SLC2A13: variants seen among roughly 807,000 people sequenced by gnomAD.
SLC2A13 encodes the protein proton myo-inositol cotransporter.
A neutral mutation model predicts 64.4 loss-of-function variants in SLC2A13; 32 were observed. The ratio of observed to expected loss-of-function variants is 0.50; its 90% CI spans 0.37 to 0.67. The LOEUF (loss-of-function observed/expected upper bound fraction) is 0.67, where lower values mean the gene tolerates loss of function less well. Among genes scored for constraint, SLC2A13 ranks in the 30% least tolerant of loss-of-function variants. SLC2A13 has a pLI of 0.00. For synonymous variants in SLC2A13, 338 were observed against 327.1 expected, an observed-to-expected ratio of 1.03 and a Z score of -0.36; for missense variants, 743 against 829.2, an observed-to-expected ratio of 0.90 and a Z score of 1.28.
intron 2 of SLC2A13, among the ~76,000 whole-genome samples, chr12:40,035,477 C>G (rs1217071843): frequency 6.6e-6 from 1 of 152,194 alleles, no homozygotes; most frequent in East Asian, 1.9e-4. Flanking sequence ...TACTTTTCCT[C>G]TGCCACCAAG....
At chr12:40,049,957 GAAT>G (rs1948229557) in intron 1 of SLC2A13, among the ~76,000 whole-genome samples, 1 of 152,048 alleles carries the variant, frequency 6.6e-6, no homozygotes, top group Non-Finnish European at 1.5e-5. Flanking sequence ...GAGTTTCATA[GAAT>G]AATAAGCATG....
intron 3 of SLC2A13, among the ~76,000 whole-genome samples, chr12:40,020,017 A>G (rs147511929): frequency 6.6e-6 from 1 of 152,338 alleles, no homozygotes; most frequent in East Asian, 1.9e-4. Flanking sequence ...ATACTGATTA[A>G]AAATACTGCT....
chr12:39,896,745 A>G (rs1253667235), intron 4 of SLC2A13, among the ~76,000 whole-genome samples: 1 of 152,054 alleles, frequency 6.6e-6, no homozygotes, highest in East Asian at 1.9e-4. Context: ...AACATCTTGC[A>G]GTTTCTATTA....
chr12:39,921,662 G>A (rs934130756), intron 4 of SLC2A13, among the ~76,000 whole-genome samples: 2 of 152,120 alleles, frequency 1.3e-5, no homozygotes, highest in African/African-American at 4.8e-5. Context: ...ATTTAGCCAT[G>A]AGGCAGCATT....
chr12:40,103,345 G>A (rs1310535116), intron 1 of SLC2A13, among the ~76,000 whole-genome samples: 1 of 152,090 alleles, frequency 6.6e-6, no homozygotes, highest in Non-Finnish European at 1.5e-5. Context: ...AGAGCTTCTG[G>A]CTTCCCTCTG....
At chr12:39,761,245 A>G (rs549137733) in intron 9 of SLC2A13, among the ~76,000 whole-genome samples, 30 of 128,948 alleles carry the variant, frequency 2.3e-4, no homozygotes, top group African/African-American at 6.4e-4. Context: ...TGCCTCATTA[A>G]GTAAAATAAG....
chr12:39,891,163 C>G (rs1337614121), intron 4 of SLC2A13, among the ~76,000 whole-genome samples: 1 of 149,266 alleles, frequency 6.7e-6, no homozygotes, highest in East Asian at 1.9e-4. Flanking sequence ...ATCTAGGATG[C>G]TTGTCCTCTG....
intron 1 of SLC2A13, among the ~76,000 whole-genome samples, chr12:40,070,998 G>A (rs1415555529): frequency 3.3e-5 from 5 of 152,146 alleles, no homozygotes; most frequent in African/African-American, 1.2e-4. Flanking sequence ...GGGGATTAGG[G>A]CAGTGGTTCT....
At chr12:39,883,118 G>C (rs1028709877) in intron 4 of SLC2A13, among the ~76,000 whole-genome samples, 2 of 151,814 alleles carry the variant, frequency 1.3e-5, no homozygotes, top group African/African-American at 4.8e-5. Flanking sequence ...ATATAATTCA[G>C]TGTTAAGTAT....
At chr12:39,989,565 T>A (rs1294581462) in intron 3 of SLC2A13, among the ~76,000 whole-genome samples, 1 of 152,192 alleles carries the variant, frequency 6.6e-6, no homozygotes, top group Non-Finnish European at 1.5e-5. Flanking sequence ...CAAAAATGGA[T>A]GTCTTGCTCT....
intron 7 of SLC2A13, among the ~76,000 whole-genome samples, chr12:39,804,362 G>A (rs1281330786): frequency 1.3e-5 from 2 of 152,048 alleles, no homozygotes; most frequent in African/African-American, 2.4e-5. Flanking sequence ...AATATACTTC[G>A]AGCTATGTGA....
At chr12:39,868,206 T>A (rs1943955634) in intron 5 of SLC2A13, among the ~76,000 whole-genome samples, 1 of 152,202 alleles carries the variant, frequency 6.6e-6, no homozygotes, top group Non-Finnish European at 1.5e-5. Flanking sequence ...AGTTTTGGCA[T>A]GTTCTTTATG....
chr12:39,770,327 G>T (rs1380340859), intron 7 of SLC2A13, among the ~76,000 whole-genome samples: 1 of 152,114 alleles, frequency 6.6e-6, no homozygotes, highest in African/African-American at 2.4e-5. Context: ...TCTAGATCCT[G>T]CCATGGCCTC....
At chr12:39,999,414 C>T (rs758115531) in intron 3 of SLC2A13, among the ~76,000 whole-genome samples, 29 of 152,032 alleles carry the variant, frequency 1.9e-4, no homozygotes, top group Non-Finnish European at 3.7e-4. Flanking sequence ...TAATTAATAC[C>T]CTGGAGAAGG....
chr12:40,090,802 C>T (rs1484409596), intron 1 of SLC2A13, among the ~76,000 whole-genome samples: 1 of 152,110 alleles, frequency 6.6e-6, no homozygotes, highest in African/African-American at 2.4e-5. Context: ...GCCTCAAGAA[C>T]TATTCATTCA....
intron 3 of SLC2A13, among the ~76,000 whole-genome samples, chr12:40,021,208 G>A (rs1330192753): frequency 2.6e-5 from 4 of 152,142 alleles, no homozygotes; most frequent in Admixed American, 6.5e-5. Flanking sequence ...CTTCTCCCGT[G>A]AGTATGCTCA....
intron 1 of SLC2A13, among the ~76,000 whole-genome samples, chr12:40,098,604 G>A (rs1939042264): frequency 6.6e-6 from 1 of 152,228 alleles, no homozygotes; most frequent in East Asian, 1.9e-4. Context: ...GAGTGAGTGA[G>A]TGAGTGTCAC....
chr12:39,889,693 C>A (rs908109149), intron 4 of SLC2A13, among the ~76,000 whole-genome samples: 1 of 151,754 alleles, frequency 6.6e-6, no homozygotes, highest in Non-Finnish European at 1.5e-5. Context: ...CCACCACGCC[C>A]GGCTAATTTT....
At chr12:39,924,409 C>T (rs1284471953) in intron 4 of SLC2A13, among the ~76,000 whole-genome samples, 7 of 151,986 alleles carry the variant, frequency 4.6e-5, no homozygotes, top group Non-Finnish European at 1.0e-4. Context: ...AATGATTCTG[C>T]AATTATTAGG....
Sources: gnomAD v4.1 joint callset for allele counts (sites outside exome capture counted in the v4.1 genomes callset) on GRCh38, gnomAD v4.1.1 for gene constraint, MANE v1.5 for transcripts, NCBI Gene and HGNC (gene_info 2026-07-23, HGNC 2026-07-21) for gene names.